The following CHCHD4 variants were observed in gnomAD, a reference collection of about 807,000 sequenced individuals.
The protein encoded by CHCHD4 is mitochondrial intermembrane space import and assembly protein 40.
In CHCHD4, 7 loss-of-function variants were observed where a neutral mutation model predicts 12.4. That is an observed-to-expected ratio of 0.57 (90% CI 0.32 to 1.06). The LOEUF (loss-of-function observed/expected upper bound fraction) is 1.06. CHCHD4 is among the 50% of genes least tolerant of loss of function. The pLI, the probability that CHCHD4 is intolerant of heterozygous loss-of-function variation, is 0.04. For synonymous variants in CHCHD4, 56 were observed against 58.0 expected (o/e 0.97, Z 0.16); for missense variants, 143 against 175.1 (o/e 0.82, Z 1.03).
At chr3:14,116,258 C>T (rs1694874840) in intron 2 of CHCHD4, among the ~76,000 whole-genome samples, 168 bp downstream of exon 2, 1 of 152,198 alleles carries the variant, frequency 6.6e-6, no homozygotes, top group Non-Finnish European at 1.5e-5. Flanking sequence ...AGCACAGTCC[C>T]TCAAACCTCT....
In CHCHD4 at chr3:14,112,661, G is replaced by A. The variant is rs1008743415; in HGVS notation, c.*226C>T. ...TTCAGGGCAATCTGAGAATTCAAAA[G>A]TGGCGGCCACAGGTTTGGGTAGGAC... On this transcript the variant is annotated 3_prime_UTR_variant, in exon 3 of 3. Transcript: ENST00000396914. 1 of 442,252 alleles carries A rather than the reference G, an allele frequency of 2.3e-6. No homozygotes were observed. The allele number at this position is 442,252 out of a possible 1,614,324, so 27.4% of individuals were successfully genotyped here. A position where few individuals can be genotyped will look rare whatever the true frequency, so the allele number is the denominator to read the frequency against.
intron 1 of CHCHD4, among the ~76,000 whole-genome samples, chr3:14,118,833 T>G (rs888773599): frequency 8.5e-5 from 13 of 152,358 alleles, no homozygotes; most frequent in African/African-American, 2.9e-4. Context: ...AATGAGCTGA[T>G]GCAAATTTCG....
At position 14,112,937 on chromosome 3, in the gene CHCHD4, T is replaced by G; in HGVS notation, c.379A>C (p.Thr127Pro). 1 of 1,612,966 alleles carries G rather than the reference T, an allele frequency of 6.2e-7. No homozygotes were observed. The highest frequency in any genetic ancestry group is 8.5e-7 in the Non-Finnish European group (1 of 1,179,570). ...EKKPAEQAEETAPIEATATKE... is the reference protein window; with the variant it reads ...EKKPAEQAEEPAPIEATATKE... ...GTTGCAGTGGCCTCAATGGGAGCTG[T>G]TTCTTCTGCTTGTTCTGCTGGCTTC... The change falls in exon 3 of 3, where the codon ACA becomes CCA. Residue 127 changes from threonine to proline, a missense_variant. By Grantham distance (38) the Thr-to-Pro change is conservative. Coordinates refer to ENST00000396914, the MANE Select transcript of CHCHD4 (RefSeq NM_001098502.2).
rs377309984 is a variant in CHCHD4, at chr3:14,113,209, T to A, written c.122-15A>T. The A allele has an allele frequency of 6.3e-7, 1 of 1,580,774 alleles. No individual in the cohort carries two copies. Among genetic ancestry groups the A allele is most frequent in the Non-Finnish European group, 8.6e-7 (1 of 1,161,366 alleles). The stretch of plus-strand genomic sequence containing the variant: ...CAGTATCAATCCTAGAACAGGAAGA[T>A]AGAGAGATGTTCTCTAAAGTTTCAG... On this transcript the variant is annotated splice_polypyrimidine_tract_variant and intron_variant, in intron 2 of 2. Transcript: ENST00000396914.
At chr3:14,117,002 C>A (rs2124976148) in intron 1 of CHCHD4, among the ~76,000 whole-genome samples, 1 of 152,392 alleles carries the variant, frequency 6.6e-6, no homozygotes, top group Middle Eastern at 3.4e-3. Context: ...AGGAACACTG[C>A]AGCCGTTCCA....
At position 14,116,422 on chromosome 3, in the gene CHCHD4, T is replaced by C; in HGVS notation, c.121+4A>G. On this transcript the variant is annotated splice_donor_region_variant and intron_variant, in intron 2 of 2. Transcript: ENST00000396914. Reference sequence around the variant, plus strand: ...GGGTCCCTGGGAGGCCACATGTCACTCACCATGCTCCTCGTATGGATCGTT... The same window carrying C: ...GGGTCCCTGGGAGGCCACATGTCACCCACCATGCTCCTCGTATGGATCGTT... The C allele has an allele frequency of 6.3e-7, 1 of 1,594,968 alleles. No homozygotes were observed. Among genetic ancestry groups the C allele is most frequent in the Non-Finnish European group, 8.6e-7 (1 of 1,165,716 alleles).
chr3:14,121,868 G>T, intron 1 of CHCHD4: 1 of 1,613,850 alleles, frequency 6.2e-7, no homozygotes, highest in South Asian at 1.1e-5. Context: ...ATGGCTTTCA[G>T]ACAGAGTGTT....
intron 1 of CHCHD4, among the ~76,000 whole-genome samples, chr3:14,124,331 T>C (rs2124980372): frequency 6.6e-6 from 1 of 152,220 alleles, no homozygotes; most frequent in South Asian, 2.1e-4. Context: ...ACATTCCCAG[T>C]TTCGAGCCAC....
rs1694992093 is a variant in CHCHD4 at position 14,124,864 on chromosome 3, G to T, written c.-188C>A. ...AACCGCGGCCAGGCCAACCTCAGCCGGAAACTACATTTCCCAGCAGGTCGC... is the reference window on the plus strand; with the variant it reads ...AACCGCGGCCAGGCCAACCTCAGCCTGAAACTACATTTCCCAGCAGGTCGC... On this transcript the variant is annotated 5_prime_UTR_variant, in exon 1 of 3. Coordinates refer to ENST00000396914, the MANE Select transcript of CHCHD4 (RefSeq NM_001098502.2). 1.5e-6 allele frequency: 1 copy of T among 675,464 alleles called. No individual in the cohort carries two copies. The highest frequency in any genetic ancestry group is 2.5e-6 in the Non-Finnish European group (1 of 398,528). The allele number at this position is 675,464 out of a possible 1,614,324, so 41.8% of individuals were successfully genotyped here. A position where few individuals can be genotyped will look rare whatever the true frequency, so the allele number is the denominator to read the frequency against.
At chr3:14,115,908 G>A (rs921084869) in intron 2 of CHCHD4, among the ~76,000 whole-genome samples, 9 of 152,170 alleles carry the variant, frequency 5.9e-5, no homozygotes, top group Non-Finnish European at 8.8e-5. Flanking sequence ...AGGCCTAAGC[G>A]ACCACTGTTA....
At chr3:14,122,061 C>A in intron 1 of CHCHD4, 1 of 1,603,406 alleles carries the variant, frequency 6.2e-7, no homozygotes, top group South Asian at 1.1e-5. Context: ...AATAGACATT[C>A]CAGAAGGAAC....
chr3:14,123,216 T>A (rs1694957879), intron 1 of CHCHD4, among the ~76,000 whole-genome samples: 1 of 152,068 alleles, frequency 6.6e-6, no homozygotes, highest in African/African-American at 2.4e-5. Context: ...GGACCTAGCC[T>A]CCCCTTTCCA....
At chr3:14,122,471 C>A (rs1694945897) in intron 1 of CHCHD4, among the ~76,000 whole-genome samples, 3 of 152,206 alleles carry the variant, frequency 2.0e-5, no homozygotes, top group Non-Finnish European at 4.4e-5. Flanking sequence ...CACTATGGTG[C>A]TGACACAGGA....
intron 2 of CHCHD4, among the ~76,000 whole-genome samples, chr3:14,114,765 C>T (rs1694859108): frequency 6.6e-6 from 1 of 152,190 alleles, no homozygotes; most frequent in Admixed American, 6.5e-5. Flanking sequence ...CCTCACAAAG[C>T]ACATGGTGCC....
chr3:14,122,054 A>G, intron 1 of CHCHD4: 1 of 1,606,932 alleles, frequency 6.2e-7, no homozygotes, highest in African/African-American at 1.3e-5. Flanking sequence ...GGAGGGGAAT[A>G]GACATTCCAG....
chr3:14,117,922 T>C (rs537524807), intron 1 of CHCHD4, among the ~76,000 whole-genome samples: 5 of 152,296 alleles, frequency 3.3e-5, no homozygotes, highest in African/African-American at 9.6e-5. Context: ...ACTGAGCACT[T>C]AGCATGACTG....
In CHCHD4 at chr3:14,122,044, G is replaced by A. The variant is rs560720100; in HGVS notation, c.22+2611C>T. ...CTGACAAAGAGCTTCAGGGAGGGAA[G>A]GAGGGGAATAGACATTCCAGAAGGA... On this transcript the variant is annotated intron_variant, in intron 1 of 2. Transcript: ENST00000396914. 1.9e-6 allele frequency: 3 copies of A among 1,610,722 alleles called. No individual in the cohort carries two copies. The East Asian group carries it at 6.7e-5, about 36-fold the overall frequency.
In CHCHD4 at chr3:14,115,379, C is replaced by T. The variant is rs758232435; in HGVS notation, c.121+1047G>A. On this transcript the variant is annotated intron_variant, in intron 2 of 2. Transcript: ENST00000396914. ...ACACTGTGAGGCAAACAAAACAAGG[C>T]CCGATTTGTCCTGCAGGCCTCCACA... is the stretch of plus-strand genomic sequence containing the variant. Among the ~76,000 whole-genome samples the T allele has an allele frequency of 3.4e-4, 46 of 137,266 alleles. 1 individual carries two copies. The highest frequency in any genetic ancestry group is 1.4e-4 in the Admixed American group (2 of 14,530). 90.1% of individuals were successfully genotyped at this position (137,266 alleles called of 152,430 possible).
Position 14,112,907 on chromosome 3 carries a change from C to G in CHCHD4, c.409G>C (p.Glu137Gln). ...CTTCATTAACTTGATCCCTCCTCTT[C>G]TTTGGTTGCAGTGGCCTCAATGGGA... is the stretch of plus-strand genomic sequence containing the variant. Reference protein sequence around the residue: ...TAPIEATATKEEEGSS With the variant: ...TAPIEATATKQEEGSS Residue 137 changes from glutamate (E) to glutamine (Q), a missense_variant, in exon 3 of 3, where the codon GAA (glutamate) becomes CAA (glutamine). By Grantham distance (29) the Glu-to-Gln change is conservative. Transcript: ENST00000396914. 6.2e-7 allele frequency: 1 copy of G among 1,612,608 alleles called. No homozygotes were observed. The highest frequency in any genetic ancestry group is 8.5e-7 in the Non-Finnish European group (1 of 1,179,378).
Sources: gnomAD v4.1 joint callset for allele counts (sites outside exome capture counted in the v4.1 genomes callset) on GRCh38, gnomAD v4.1.1 for gene constraint, MANE v1.5 for transcripts, NCBI Gene and HGNC (gene_info 2026-07-23, HGNC 2026-07-21) for gene names.